GALNTL6: variants seen among roughly 807,000 people sequenced by gnomAD.
GALNTL6 encodes the protein polypeptide N-acetylgalactosaminyltransferase-like 6.
In GALNTL6, 46 loss-of-function variants were observed where a neutral mutation model predicts 73.7. The observed-to-expected ratio is 0.62, with a 90% CI of 0.49 to 0.80. The LOEUF (loss-of-function observed/expected upper bound fraction) is 0.80, where lower values mean the gene tolerates loss of function less well. GALNTL6 is among the 30% of genes least tolerant of loss of function. GALNTL6 has a pLI of 0.00. For missense variants in GALNTL6, 604 were observed against 755.0 expected, an observed-to-expected ratio of 0.80 and a Z score of 2.34; for synonymous variants, 259 against 263.7, an observed-to-expected ratio of 0.98 and a Z score of 0.17.
chr4:172,895,298 T>C (rs1285822749), intron 8 of GALNTL6, among the ~76,000 whole-genome samples: 8 of 151,406 alleles, frequency 5.3e-5, no homozygotes, highest in Admixed American at 5.3e-4. Context: ...TCTTTGTGGT[T>C]AAGTGATTTG....
At position 172,742,347 on chromosome 4, in the gene GALNTL6, A is replaced by G. The variant is rs185242541; in HGVS notation, c.554-67014A>G. Reference sequence around the variant, plus strand: ...CCAAAACATAGTACTCCCTACCTGCAATATGTCACAGCAATATAATTTTCC... The same window carrying G: ...CCAAAACATAGTACTCCCTACCTGCGATATGTCACAGCAATATAATTTTCC... On this transcript the variant is annotated intron_variant, in intron 5 of 12. Transcript: ENST00000506823. Among the ~76,000 whole-genome samples the G allele has an allele frequency of 5.8e-3, 878 of 151,886 alleles. 6 individuals are homozygous for G. Among genetic ancestry groups the G allele is most frequent in the African/African-American group, 0.02 (827 of 41,444 alleles).
rs1200911687 is a variant in GALNTL6, at chr4:172,262,687, G to GT, written c.247+32928dup. On this transcript the variant is annotated intron_variant, in intron 3 of 12. Coordinates refer to ENST00000506823, the MANE Select transcript of GALNTL6 (RefSeq NM_001034845.3). Reference sequence around the variant, plus strand: ...TGCCAAATGCTGCCTAAATATCTTGGTTTTTGTGTGTATTGTTTTATAGAC... The same window carrying GT: ...TGCCAAATGCTGCCTAAATATCTTGGTTTTTTGTGTGTATTGTTTTATAGAC... Among the ~76,000 whole-genome samples the GT allele has an allele frequency of 2.7e-5, 4 of 150,842 alleles. No homozygotes were observed. The East Asian group carries it at 7.8e-4, about 29-fold the overall frequency.
At chr4:172,135,075 A>T (rs1234609477) in intron 2 of GALNTL6, among the ~76,000 whole-genome samples, 2 of 152,162 alleles carry the variant, frequency 1.3e-5, no homozygotes, top group Non-Finnish European at 2.9e-5. Flanking sequence ...TTTACCATCC[A>T]TTGCTTCTTA....
chr4:172,804,784 G>C (rs773683277), intron 5 of GALNTL6, among the ~76,000 whole-genome samples: 1 of 152,186 alleles, frequency 6.6e-6, no homozygotes, highest in Non-Finnish European at 1.5e-5. Flanking sequence ...CAGTGCTTCA[G>C]TCATTATTCT....
rs369917091 is a variant in GALNTL6 at position 172,136,365 on chromosome 4, A to C, written c.139-93291A>C. Among the ~76,000 whole-genome samples, 4 of 151,994 alleles carry C rather than the reference A, an allele frequency of 2.6e-5. No homozygotes were observed. In the East Asian group the frequency reaches 5.8e-4, roughly 22 times the overall value. Reference sequence around the variant, plus strand: ...TATCTTTTTTCATCTTTTATTTTTTATGTGTAACTTATTTATTGATTATAA... The same window carrying C: ...TATCTTTTTTCATCTTTTATTTTTTCTGTGTAACTTATTTATTGATTATAA... On this transcript the variant is annotated intron_variant, in intron 2 of 12. Transcript: ENST00000506823.
At chr4:172,665,713 T>C (rs1266073156) in intron 5 of GALNTL6, among the ~76,000 whole-genome samples, 14 of 152,248 alleles carry the variant, frequency 9.2e-5, no homozygotes, top group Non-Finnish European at 1.5e-4. Flanking sequence ...TATCATAAGA[T>C]AGAGCACAAG....
At chr4:172,232,725 T>A (rs1737110537) in intron 3 of GALNTL6, among the ~76,000 whole-genome samples, 1 of 152,182 alleles carries the variant, frequency 6.6e-6, no homozygotes, top group South Asian at 2.1e-4. Context: ...TATGAAATAG[T>A]CTCTCACTGT....
Position 172,645,864 on chromosome 4 carries a change from A to G in GALNTL6, c.554-163497A>G, listed in dbSNP as rs544645129. ...CAGGGAGAGTTAATAAACAGGACTT[A>G]TCAAGGCCTGTTTGTTTAGATTATT... is the stretch of plus-strand genomic sequence containing the variant. On this transcript the variant is annotated intron_variant, in intron 5 of 12. Coordinates refer to ENST00000506823, the MANE Select transcript of GALNTL6 (RefSeq NM_001034845.3). Among the ~76,000 whole-genome samples, 137 of 152,030 alleles carry G rather than the reference A, an allele frequency of 9.0e-4. 2 individuals are homozygous for G. Among genetic ancestry groups the G allele is most frequent in the Non-Finnish European group, 2.2e-4 (15 of 67,884 alleles).
chr4:172,243,911 T>A lies in GALNTL6; in HGVS notation c.247+14147T>A, dbSNP rs114771020. 2.6e-5 allele frequency among the ~76,000 whole-genome samples: 4 copies of A among 152,242 alleles called. No individual in the cohort carries two copies. In the East Asian group the frequency reaches 7.7e-4, roughly 29 times the overall value. ...CTATATTGCCTTCAGAAAGTAAAAA[T>A]AGCAACCATTGCTATGGCTACAATG... On this transcript the variant is annotated intron_variant, in intron 3 of 12. Transcript: ENST00000506823.
At chr4:171,818,051 A>G (rs112199210) in intron 2 of GALNTL6, among the ~76,000 whole-genome samples, 2,312 of 151,710 alleles carry the variant, frequency 0.015, 40 homozygotes, top group African/African-American at 0.035. Context: ...AAAAGAATCT[A>G]CTGATAATAT....
At chr4:172,491,467 T>C (rs943091859) in intron 5 of GALNTL6, among the ~76,000 whole-genome samples, 1 of 152,144 alleles carries the variant, frequency 6.6e-6, no homozygotes, top group African/African-American at 2.4e-5. Context: ...TGTGTGTTAT[T>C]ACTCATCCAA....
chr4:172,603,197 C>A (rs1431744031), intron 5 of GALNTL6, among the ~76,000 whole-genome samples: 1 of 152,120 alleles, frequency 6.6e-6, no homozygotes, highest in Non-Finnish European at 1.5e-5. Flanking sequence ...AAATGGGGAA[C>A]AATTCATCGT....
chr4:172,064,609 C>T (rs1394859), intron 2 of GALNTL6, among the ~76,000 whole-genome samples: 73,691 of 151,906 alleles, frequency 0.49, 18,253 homozygotes, highest in Non-Finnish European at 0.5. Context: ...TTTTTGAAGG[C>T]CTAAACTCAA....
intron 2 of GALNTL6, among the ~76,000 whole-genome samples, chr4:172,211,419 C>A (rs1736318276): frequency 6.6e-6 from 1 of 152,154 alleles, no homozygotes; most frequent in Non-Finnish European, 1.5e-5. Context: ...ATACTTAGGT[C>A]TCTAACTCTA....
chr4:172,911,137 C>T (rs1474800243), intron 8 of GALNTL6, among the ~76,000 whole-genome samples: 2 of 152,196 alleles, frequency 1.3e-5, no homozygotes, highest in Non-Finnish European at 2.9e-5. Flanking sequence ...AAAAGCCCCC[C>T]AGGGTGTTTA....
intron 2 of GALNTL6, among the ~76,000 whole-genome samples, chr4:172,108,594 C>T (rs1457042766): frequency 2.6e-5 from 4 of 152,138 alleles, no homozygotes; most frequent in African/African-American, 4.8e-5. Flanking sequence ...CAGTCTCATC[C>T]GGAAACACCC....
intron 8 of GALNTL6, among the ~76,000 whole-genome samples, chr4:172,893,352 G>A (rs1044779015): frequency 2.6e-5 from 4 of 151,864 alleles, no homozygotes; most frequent in East Asian, 3.9e-4. Flanking sequence ...TGGCGGGGGG[G>A]GGGTCTTCCC....
At chr4:172,143,582 T>C (rs1733854408) in intron 2 of GALNTL6, among the ~76,000 whole-genome samples, 1 of 152,076 alleles carries the variant, frequency 6.6e-6, no homozygotes, top group Non-Finnish European at 1.5e-5. Flanking sequence ...TACTCTTGTA[T>C]TTTTAGAATA....
chr4:172,102,471 C>T (rs1486941493), intron 2 of GALNTL6, among the ~76,000 whole-genome samples: 4 of 152,140 alleles, frequency 2.6e-5, no homozygotes, highest in Non-Finnish European at 4.4e-5. Flanking sequence ...CTAGCCATAA[C>T]ATTTTGTACT....
Sources: gnomAD v4.1 joint callset for allele counts (sites outside exome capture counted in the v4.1 genomes callset) on GRCh38, gnomAD v4.1.1 for gene constraint, MANE v1.5 for transcripts, NCBI Gene and HGNC (gene_info 2026-07-23, HGNC 2026-07-21) for gene names.